The following ZNF254 variants were observed in gnomAD, a reference collection of about 807,000 sequenced individuals.
The protein encoded by ZNF254 is CTD-2017D11.1.
In ZNF254, 10 loss-of-function variants were observed where a neutral mutation model predicts 12.4. The observed-to-expected ratio is 0.80, with a 90% CI of 0.50 to 1.36. The LOEUF is 1.36. Ranked by LOEUF, ZNF254 falls within the 40% of genes most tolerant of loss-of-function variation. ZNF254 has a pLI of 0.00. For missense variants in ZNF254, 996 were observed against 763.9 expected, an observed-to-expected ratio of 1.30 and a Z score of -3.58; for synonymous variants, 305 against 253.4, an observed-to-expected ratio of 1.20 and a Z score of -1.93.
intron 1 of ZNF254, among the ~76,000 whole-genome samples, chr19:24,087,617 G>C (rs530336816): frequency 9.8e-5 from 15 of 152,324 alleles, no homozygotes; most frequent in African/African-American, 3.6e-4. Flanking sequence ...TCAGGGACCC[G>C]GGGAGGGTCG....
At chr19:24,083,634 GA>G (rs1203910559), upstream of ZNF254, among the ~76,000 whole-genome samples, 9 of 152,240 alleles carry the variant, frequency 5.9e-5, no homozygotes, top group African/African-American at 1.7e-4. Context: ...AGATGACCAA[GA>G]ACCCAAAAGC....
intron 2 of ZNF254, among the ~76,000 whole-genome samples, chr19:24,070,871 ATTTG>A (rs569489795): frequency 3.2e-4 from 48 of 152,204 alleles, no homozygotes; most frequent in African/African-American, 1.1e-3. Flanking sequence ...CACCCAGGTA[ATTTG>A]TTTGTCTTTT....
At chr19:24,115,952 T>C (rs1974037094) in intron 3 of ZNF254, among the ~76,000 whole-genome samples, 1 of 152,220 alleles carries the variant, frequency 6.6e-6, no homozygotes, top group African/African-American at 2.4e-5. Flanking sequence ...CCTTCACTTA[T>C]GAAGCTTAGT....
intron 1 of ZNF254, among the ~76,000 whole-genome samples, chr19:24,041,217 T>A (rs1970140382): frequency 6.6e-6 from 1 of 152,230 alleles, no homozygotes. Context: ...TTTGTGGCAT[T>A]TGAGGAGCCC....
intron 1 of ZNF254, among the ~76,000 whole-genome samples, chr19:24,043,560 C>A (rs952676888): frequency 6.6e-6 from 1 of 151,984 alleles, no homozygotes; most frequent in African/African-American, 2.4e-5. Flanking sequence ...CTGTGCCCGG[C>A]CAAAGCAAAA....
chr19:24,058,674 C>G (rs1041219940), intron 2 of ZNF254, among the ~76,000 whole-genome samples: 1 of 152,086 alleles, frequency 6.6e-6, no homozygotes, highest in African/African-American at 2.4e-5. Flanking sequence ...TCCCAAAGTG[C>G]TGGGATTACA....
chr19:24,082,946 A>C (rs533260983), upstream of ZNF254, among the ~76,000 whole-genome samples: 1 of 152,290 alleles, frequency 6.6e-6, no homozygotes, highest in Non-Finnish European at 1.5e-5. Context: ...TATTCAACAT[A>C]GTACTTGGAA....
chr19:24,093,000 C>T (rs183888839), intron 1 of ZNF254, among the ~76,000 whole-genome samples: 80 of 152,312 alleles, frequency 5.3e-4, no homozygotes, highest in Admixed American at 1.8e-3. Context: ...GCCGTTCTCA[C>T]TGGCATGAGA....
In ZNF254 at chr19:24,066,220, A is replaced by T. The variant is rs527647306; in HGVS notation, c.-94+19941A>T. The stretch of plus-strand genomic sequence containing the variant: ...TGGCATATTGCTGTGGTCAGCAACC[A>T]GATGATATATTTCTCCTGCCTGGGT... On this transcript the variant is annotated intron_variant, in intron 2 of 4. Coordinates refer to the ZNF254 transcript ENST00000613065. 14 of 152,266 alleles carry T rather than the reference A, an allele frequency of 9.2e-5. No homozygotes were observed. In the East Asian group the frequency reaches 2.7e-3, roughly 29 times the overall value. 9.4% of individuals were successfully genotyped at this position (152,266 alleles called of 1,614,324 possible). A position where few individuals can be genotyped will look rare whatever the true frequency, so the allele number is the denominator to read the frequency against.
chr19:24,106,899 A>G (rs1210318574), intron 3 of ZNF254: 1 of 415,670 alleles, frequency 2.4e-6, no homozygotes, highest in African/African-American at 2.1e-5. Context: ...TGGCATACAA[A>G]AGAGTGTACA....
intron 2 of ZNF254, among the ~76,000 whole-genome samples, chr19:24,055,437 C>A (rs530249093): frequency 1.3e-5 from 2 of 151,786 alleles, no homozygotes; most frequent in South Asian, 4.2e-4. Context: ...TACCACCATG[C>A]CCGGCTAATT....
chr19:24,115,419 G>A (rs1037688110), intron 3 of ZNF254, among the ~76,000 whole-genome samples: 6 of 150,808 alleles, frequency 4.0e-5, no homozygotes, highest in Middle Eastern at 3.4e-3. Flanking sequence ...GTAAACTATC[G>A]CAAGAACAAA....
intron 3 of ZNF254, among the ~76,000 whole-genome samples, chr19:24,110,833 G>T (rs1973626328): frequency 6.6e-6 from 1 of 150,912 alleles, no homozygotes; most frequent in Non-Finnish European, 1.5e-5. Context: ...TTCTCAAAGT[G>T]TATCTTTAAA....
At chr19:24,126,031 C>T (rs1974811357) in intron 3 of ZNF254, among the ~76,000 whole-genome samples, 1 of 152,112 alleles carries the variant, frequency 6.6e-6, no homozygotes, top group Admixed American at 6.6e-5. Context: ...TTGTGCTCAC[C>T]TGGGACACTG....
chr19:24,083,701 T>C (rs1971929568), upstream of ZNF254, among the ~76,000 whole-genome samples: 2 of 152,090 alleles, frequency 1.3e-5, no homozygotes, highest in Admixed American at 6.6e-5. Flanking sequence ...AAAGAAGATA[T>C]ACAAATGGCC....
intron 3 of ZNF254, among the ~76,000 whole-genome samples, chr19:24,114,940 G>T (rs1973937617): frequency 6.6e-6 from 1 of 152,276 alleles, no homozygotes; most frequent in Non-Finnish European, 1.5e-5. Context: ...ACCATCACTG[G>T]CCATCAGAGA....
At chr19:24,123,845 C>G (rs1322066469) in intron 3 of ZNF254, among the ~76,000 whole-genome samples, 7 of 152,036 alleles carry the variant, frequency 4.6e-5, no homozygotes, top group Non-Finnish European at 8.8e-5. Context: ...TTCTTCCTGC[C>G]TCTTCCAGTC....
chr19:24,105,239 C>G (rs1973265491), intron 1 of ZNF254: 1 of 170,924 alleles, frequency 5.9e-6, no homozygotes, highest in Non-Finnish European at 1.2e-5. Flanking sequence ...CATAAACCAT[C>G]ACGTTTAATC....
At chr19:24,119,912 GT>G (rs1189193273) in intron 3 of ZNF254, among the ~76,000 whole-genome samples, 3 of 151,918 alleles carry the variant, frequency 2.0e-5, no homozygotes, top group Non-Finnish European at 4.4e-5. Flanking sequence ...TAATTGTGTA[GT>G]GACATGCTTC....
Sources: gnomAD v4.1 joint callset for allele counts (sites outside exome capture counted in the v4.1 genomes callset) on GRCh38, gnomAD v4.1.1 for gene constraint, MANE v1.5 for transcripts, NCBI Gene and HGNC (gene_info 2026-07-23, HGNC 2026-07-21) for gene names.